The following CLMN variants were observed in gnomAD, a reference collection of about 807,000 sequenced individuals.
CLMN encodes calmin (calponin-like, transmembrane).
In CLMN, 57 loss-of-function variants were observed where a neutral mutation model predicts 92.7. That is an observed-to-expected ratio of 0.61 (90% CI 0.50 to 0.77). The LOEUF is 0.77. Ranked by LOEUF, CLMN falls within the 30% of genes least tolerant of loss-of-function variation. The pLI, the probability that CLMN is intolerant of heterozygous loss-of-function variation, is 0.00. For missense variants in CLMN, 1,158 were observed against 1,237.5 expected, an observed-to-expected ratio of 0.94 and a Z score of 0.96; for synonymous variants, 466 against 470.6, an observed-to-expected ratio of 0.99 and a Z score of 0.13.
chr14:95,201,887 T>G (rs1175665368), intron 9 of CLMN, among the ~76,000 whole-genome samples: 2 of 152,222 alleles, frequency 1.3e-5, no homozygotes, highest in African/African-American at 2.4e-5. Flanking sequence ...GCTTCATCCA[T>G]GTCCCTGCAA....
chr14:95,234,554 A>G (rs1215364416), intron 1 of CLMN, among the ~76,000 whole-genome samples: 3 of 152,202 alleles, frequency 2.0e-5, no homozygotes, highest in African/African-American at 4.8e-5. Context: ...TGTGGGTTTA[A>G]TGGGCAAGGA....
chr14:95,263,918 C>G (rs1377580232), intron 1 of CLMN, among the ~76,000 whole-genome samples: 1 of 152,242 alleles, frequency 6.6e-6, no homozygotes, highest in African/African-American at 2.4e-5. Flanking sequence ...CTAGTATCAT[C>G]ATGACCTCAG....
At chr14:95,230,847 G>A (rs1897862508) in intron 1 of CLMN, among the ~76,000 whole-genome samples, 1 of 152,216 alleles carries the variant, frequency 6.6e-6, no homozygotes, top group Non-Finnish European at 1.5e-5. Context: ...GCACCCTCCA[G>A]GAATAAAGAG....
intron 3 of CLMN, chr14:95,222,340 C>T (rs1428844092): frequency 4.0e-6 from 1 of 249,188 alleles, no homozygotes; most frequent in Non-Finnish European, 8.1e-6. Context: ...GAGACGTCTG[C>T]AGAAGCTAAA....
intron 1 of CLMN, among the ~76,000 whole-genome samples, chr14:95,239,425 T>C (rs1390149181): frequency 5.3e-5 from 8 of 152,194 alleles, no homozygotes; most frequent in Admixed American, 1.3e-4. Flanking sequence ...GCTTTTTACA[T>C]TCTATAAGGA....
intron 5 of CLMN, among the ~76,000 whole-genome samples, chr14:95,214,775 AG>A (rs1001179442): frequency 6.6e-6 from 1 of 152,052 alleles, no homozygotes; most frequent in Non-Finnish European, 1.5e-5. Flanking sequence ...CACTCAGAAC[AG>A]GAACTATTGT....
chr14:95,245,945 C>G (rs549912455), intron 1 of CLMN, among the ~76,000 whole-genome samples: 1 of 145,918 alleles, frequency 6.9e-6, no homozygotes, highest in East Asian at 2.1e-4. Context: ...GATGGAAAGC[C>G]CACTCCCTTT....
At position 95,194,036 on chromosome 14, in the gene CLMN, A is replaced by G; in HGVS notation, c.2770-117T>C. 1 of 1,507,836 alleles carries G rather than the reference A, an allele frequency of 6.6e-7. No homozygotes were observed. The highest frequency in any genetic ancestry group is 8.8e-7 in the Non-Finnish European group (1 of 1,131,952). The allele number at this position is 1,507,836 out of a possible 1,614,324, so 93.4% of individuals were successfully genotyped here. ...AAGCCGAGCATGCCGGGCATTTCTCAATACCGCCAGCGTCTAGATCCAAAA... is the reference window on the plus strand; with the variant it reads ...AAGCCGAGCATGCCGGGCATTTCTCGATACCGCCAGCGTCTAGATCCAAAA... On this transcript the variant is annotated intron_variant, in intron 11 of 12. Transcript: ENST00000298912. This position sits in a 1 kb window ranked among gnomAD's most constrained non-coding sequence, Gnocchi z 4.0.
chr14:95,299,202 C>A (rs1232300944), intron 1 of CLMN, among the ~76,000 whole-genome samples: 1 of 152,038 alleles, frequency 6.6e-6, no homozygotes, highest in Non-Finnish European at 1.5e-5. Context: ...TGCTGTGCTC[C>A]CCCCAACCCC....
In CLMN at chr14:95,185,806, G is replaced by A. The variant is rs1463816297; in HGVS notation, c.*5758C>T. 1 of 152,098 alleles carries A rather than the reference G, an allele frequency of 6.6e-6. No individual in the cohort carries two copies. Among genetic ancestry groups the A allele is most frequent in the Non-Finnish European group, 1.5e-5 (1 of 68,022 alleles). 9.4% of individuals were successfully genotyped at this position (152,098 alleles called of 1,614,324 possible). ...GAGGCCGTGTCTCAAAACTCCAGAG[G>A]CTTCTGAAGTCCTTCTGGAGAGTTA... On this transcript the variant is annotated 3_prime_UTR_variant, in exon 13 of 13. Transcript: ENST00000298912.
chr14:95,213,211 C>G lies in CLMN; in HGVS notation c.608+8G>C. On this transcript the variant is annotated splice_region_variant and intron_variant, in intron 6 of 12. Coordinates refer to ENST00000298912, the MANE Select transcript of CLMN (RefSeq NM_024734.4). ...TGAAGTAGTGTGGGGAGAGGGGCTG[C>G]GGCTTACTTTCTCGTTTTCCTCTGC... The G allele has an allele frequency of 6.2e-7, 1 of 1,612,458 alleles. No individual in the cohort carries two copies. Among genetic ancestry groups the G allele is most frequent in the Non-Finnish European group, 8.5e-7 (1 of 1,179,324 alleles).
intron 1 of CLMN, among the ~76,000 whole-genome samples, chr14:95,303,995 G>A (rs533947119): frequency 6.6e-6 from 1 of 152,316 alleles, no homozygotes; most frequent in South Asian, 2.1e-4. Flanking sequence ...TACAATTCTA[G>A]GTGGTAGCAA....
chr14:95,198,369 A>G (rs1402651728), intron 9 of CLMN, among the ~76,000 whole-genome samples: 5 of 150,756 alleles, frequency 3.3e-5, no homozygotes, highest in Non-Finnish European at 3.0e-5. Flanking sequence ...TTTTTAAAGG[A>G]AGGCAAGGTA....
rs749482701 is a variant in CLMN at position 95,193,324 on chromosome 14, T to C, written c.2840+525A>G. ...TCTCCGACAGCAAGAAATACTTTCA[T>C]AGACATCCTGGCATGTTTGCTTTCC... On this transcript the variant is annotated intron_variant, in intron 12 of 12. Coordinates refer to ENST00000298912, the MANE Select transcript of CLMN (RefSeq NM_024734.4). 1.9e-5 allele frequency: 29 copies of C among 1,532,226 alleles called. No homozygotes were observed. The East Asian group carries it at 2.9e-4, about 15-fold the overall frequency. The allele number at this position is 1,532,226 out of a possible 1,614,324, so 94.9% of individuals were successfully genotyped here. A position where few individuals can be genotyped will look rare whatever the true frequency, so the allele number is the denominator to read the frequency against.
chr14:95,301,860 G>A (rs1029098664), intron 1 of CLMN, among the ~76,000 whole-genome samples: 2 of 152,164 alleles, frequency 1.3e-5, no homozygotes, highest in Non-Finnish European at 2.9e-5. Flanking sequence ...CACTTAGTAC[G>A]TGTCAACTAC....
At chr14:95,249,421 T>C (rs1202531684) in intron 1 of CLMN, among the ~76,000 whole-genome samples, 1 of 152,190 alleles carries the variant, frequency 6.6e-6, no homozygotes, top group African/African-American at 2.4e-5. Flanking sequence ...AATGAAACTT[T>C]GTAGCCCTCT....
In CLMN at chr14:95,209,615, G is replaced by C. The variant is rs1213419540; in HGVS notation, c.803-138C>G. ...TTATTTTCCACTTGAGGAACTTTAG[G>C]CTCAAAGGTGGTGAATCATTTAACT... On this transcript the variant is annotated intron_variant, in intron 7 of 12. Coordinates refer to ENST00000298912, the MANE Select transcript of CLMN (RefSeq NM_024734.4). 7.3e-6 allele frequency: 5 copies of C among 688,392 alleles called. No individual in the cohort carries two copies. In the East Asian group the frequency reaches 8.1e-5, roughly 11 times the overall value. 42.6% of individuals were successfully genotyped at this position (688,392 alleles called of 1,614,324 possible).
chr14:95,282,471 A>G (rs994662588), intron 1 of CLMN, among the ~76,000 whole-genome samples: 3 of 152,174 alleles, frequency 2.0e-5, no homozygotes, highest in African/African-American at 4.8e-5. Context: ...ATATCAGGAG[A>G]GAAAGGACCT....
At position 95,223,740 on chromosome 14, in the gene CLMN, C is replaced by T. The variant is rs765503578; in HGVS notation, c.240+20G>A. 8 of 1,574,800 alleles carry T rather than the reference C, an allele frequency of 5.1e-6. No homozygotes were observed. The East Asian group carries it at 9.0e-5, about 18-fold the overall frequency. Reference sequence around the variant, plus strand: ...TCCTTTGCATTTTCTTTCTTTCTGACCCTTCTGTAACATACGTACCAGATT... The same window carrying T: ...TCCTTTGCATTTTCTTTCTTTCTGATCCTTCTGTAACATACGTACCAGATT... On this transcript the variant is annotated intron_variant, in intron 3 of 12. Transcript: ENST00000298912.
Sources: gnomAD v4.1 joint callset for allele counts (sites outside exome capture counted in the v4.1 genomes callset) on GRCh38, gnomAD v4.1.1 for gene constraint, Gnocchi (gnomAD v3.1) non-coding constraint, MANE v1.5 for transcripts, NCBI Gene and HGNC (gene_info 2026-07-23, HGNC 2026-07-21) for gene names.